The following GRIN2B variants were observed in gnomAD, a reference collection of about 807,000 sequenced individuals.
The protein encoded by GRIN2B is glutamate ionotropic receptor NMDA type subunit 2B, also known as glutamate receptor ionotropic, NMDA 2B.
In GRIN2B, 5 loss-of-function variants were observed where a neutral mutation model predicts 114.5. The observed-to-expected ratio is 0.04, with a 90% CI of 0.02 to 0.09. The LOEUF (loss-of-function observed/expected upper bound fraction) is 0.09. GRIN2B is among the 10% of genes least tolerant of loss of function. GRIN2B has a pLI of 1.00. For synonymous variants in GRIN2B, 787 were observed against 745.1 expected, an observed-to-expected ratio of 1.06 and a Z score of -0.92; for missense variants, 1,108 against 1,943.5, an observed-to-expected ratio of 0.57 and a Z score of 8.08.
At position 13,551,409 on chromosome 12, in the gene GRIN2B, A is replaced by C. The variant is rs943290691; in HGVS notation, c.*11374T>G. 6.6e-6 allele frequency: 1 copy of C among 152,148 alleles called. No homozygotes were observed. Among genetic ancestry groups the C allele is most frequent in the Non-Finnish European group, 1.5e-5 (1 of 68,016 alleles). 9.4% of individuals were successfully genotyped at this position (152,148 alleles called of 1,614,324 possible). On this transcript the variant is annotated 3_prime_UTR_variant, in exon 14 of 14. Coordinates refer to ENST00000609686, the MANE Select transcript of GRIN2B (RefSeq NM_000834.5). ...GACCTTAGAAGGCCACATGGATTCC[A>C]TAGGGTAAAATGGGAAAATGGAGAC...
intron 2 of GRIN2B, among the ~76,000 whole-genome samples, chr12:13,904,064 GAT>G (rs1453931266): frequency 1.3e-5 from 2 of 151,910 alleles, no homozygotes; most frequent in African/African-American, 4.8e-5. Context: ...TTATGTTTTA[GAT>G]ATGTCACTTA....
In GRIN2B at chr12:13,695,240, T is replaced by C. The variant is rs574480104; in HGVS notation, c.1011-19381A>G. 2.4e-4 allele frequency among the ~76,000 whole-genome samples: 36 copies of C among 152,284 alleles called. No homozygotes were observed. The Middle Eastern group carries it at 0.014, about 58-fold the overall frequency. ...AACCAGTGCATAAAGCCTACATCTT[T>C]CGCTCACCTATCCCCTTCCTTCCCT... On this transcript the variant is annotated intron_variant, in intron 4 of 13. Transcript: ENST00000609686.
At chr12:13,932,128 T>A (rs893913753) in intron 2 of GRIN2B, among the ~76,000 whole-genome samples, 1 of 152,220 alleles carries the variant, frequency 6.6e-6, no homozygotes. Flanking sequence ...TTCCTTTTTT[T>A]AATACACTTA....
intron 2 of GRIN2B, among the ~76,000 whole-genome samples, chr12:13,909,025 G>T (rs1219272165): frequency 6.6e-6 from 1 of 152,160 alleles, no homozygotes; most frequent in African/African-American, 2.4e-5. Flanking sequence ...ATAAATGGCT[G>T]CTGGCTCGTA....
chr12:13,844,483 G>T (rs1865436769), intron 3 of GRIN2B, among the ~76,000 whole-genome samples: 1 of 152,114 alleles, frequency 6.6e-6, no homozygotes, highest in Non-Finnish European at 1.5e-5. Flanking sequence ...ATCAGCCAAG[G>T]TCTACAAAGA....
chr12:13,572,514 T>A (rs911689852), intron 10 of GRIN2B, among the ~76,000 whole-genome samples: 1 of 152,184 alleles, frequency 6.6e-6, no homozygotes, highest in Non-Finnish European at 1.5e-5. Flanking sequence ...TGAAAGCTCA[T>A]ATTTATCCCA....
intron 2 of GRIN2B, among the ~76,000 whole-genome samples, chr12:13,901,338 C>T (rs1028451339): frequency 3.9e-5 from 6 of 152,062 alleles, no homozygotes; most frequent in Non-Finnish European, 7.4e-5. Context: ...TATTATTACT[C>T]ATTTATACAA....
intron 3 of GRIN2B, among the ~76,000 whole-genome samples, chr12:13,816,325 A>G (rs1006694044): frequency 4.6e-5 from 7 of 152,236 alleles, no homozygotes; most frequent in South Asian, 2.1e-4. Flanking sequence ...ATGACAATTG[A>G]TAAGACAAAA....
At chr12:13,642,455 T>C (rs919689075) in intron 5 of GRIN2B, among the ~76,000 whole-genome samples, 1 of 152,112 alleles carries the variant, frequency 6.6e-6, no homozygotes, top group Non-Finnish European at 1.5e-5. Flanking sequence ...GCCTAGACCT[T>C]ATCTTCATCA....
intron 4 of GRIN2B, among the ~76,000 whole-genome samples, chr12:13,713,352 G>T (rs1237231536): frequency 6.6e-6 from 1 of 151,794 alleles, no homozygotes; most frequent in African/African-American, 2.4e-5. Flanking sequence ...GATCATGAAA[G>T]AACACTGACC....
At position 13,843,731 on chromosome 12, in the gene GRIN2B, C is replaced by T. The variant is rs186207099; in HGVS notation, c.411+22067G>A. Reference sequence around the variant, plus strand: ...GGCATTTTTAAAAATATTAGGAACACGTTGCAAATCTATCAAGATCCCATC... The same window carrying T: ...GGCATTTTTAAAAATATTAGGAACATGTTGCAAATCTATCAAGATCCCATC... On this transcript the variant is annotated intron_variant, in intron 3 of 13. Transcript: ENST00000609686. Among the ~76,000 whole-genome samples, 22 of 152,250 alleles carry T rather than the reference C, an allele frequency of 1.4e-4. No individual in the cohort carries two copies. In the East Asian group the frequency reaches 2.7e-3, roughly 19 times the overall value.
Position 13,771,062 on chromosome 12 carries a change from T to C in GRIN2B, c.412-17147A>G, listed in dbSNP as rs186326503. Among the ~76,000 whole-genome samples, 3 of 152,290 alleles carry C rather than the reference T, an allele frequency of 2.0e-5. No individual in the cohort carries two copies. In the East Asian group the frequency reaches 5.8e-4, roughly 29 times the overall value. On this transcript the variant is annotated intron_variant, in intron 3 of 13. Transcript: ENST00000609686. ...AATTGTAGCTCCCAAAATTCCCATA[T>C]GTCATAGGAGGGACCCAGTGGGAGG...
Position 13,833,197 on chromosome 12 carries a change from A to C in GRIN2B, c.411+32601T>G, listed in dbSNP as rs184914061. On this transcript the variant is annotated intron_variant, in intron 3 of 13. Coordinates refer to ENST00000609686, the MANE Select transcript of GRIN2B (RefSeq NM_000834.5). ...AAGTAGACAGAGGATGTAGACTTGTATTAACTCATGGGTATATCATCAACC... is the reference window on the plus strand; with the variant it reads ...AAGTAGACAGAGGATGTAGACTTGTCTTAACTCATGGGTATATCATCAACC... 1.7e-3 allele frequency among the ~76,000 whole-genome samples: 253 copies of C among 152,342 alleles called. 1 individual carries two copies. The highest frequency in any genetic ancestry group is 5.8e-3 in the African/African-American group (241 of 41,580).
chr12:13,589,146 C>G (rs10492129), intron 10 of GRIN2B, among the ~76,000 whole-genome samples: 25,050 of 152,114 alleles, frequency 0.16, 2,387 homozygotes, highest in African/African-American at 0.26. Flanking sequence ...TCTGTTAGCT[C>G]TATTCAAAGA....
Position 13,935,421 on chromosome 12 carries a change from A to G in GRIN2B, c.-19+44507T>C, listed in dbSNP as rs368819250. Among the ~76,000 whole-genome samples, 6 of 152,300 alleles carry G rather than the reference A, an allele frequency of 3.9e-5. No individual in the cohort carries two copies. In the South Asian group the frequency reaches 1.2e-3, roughly 32 times the overall value. ...CGTCTCATCCTTAGAGGAGAAAAGC[A>G]TTTTCTCCATAGTAACAATACACTG... is the stretch of plus-strand genomic sequence containing the variant. On this transcript the variant is annotated intron_variant, in intron 2 of 13. Transcript: ENST00000609686.
intron 4 of GRIN2B, among the ~76,000 whole-genome samples, chr12:13,739,374 C>CAAAAAAA (rs34320563): frequency 1.4e-3 from 85 of 59,370 alleles, no homozygotes; most frequent in South Asian, 3.3e-3. Context: ...AACTCCGTCT[C>CAAAAAAA]AAAAAAAAAA....
chr12:13,825,618 G>A (rs150238511), intron 3 of GRIN2B, among the ~76,000 whole-genome samples: 68 of 151,252 alleles, frequency 4.5e-4, no homozygotes, highest in African/African-American at 1.4e-3. Context: ...CTGGGTTCAA[G>A]TGATTCTCCT....
intron 10 of GRIN2B, among the ~76,000 whole-genome samples, chr12:13,573,518 TTTTAA>T (rs1948733518): frequency 1.3e-5 from 2 of 149,734 alleles, no homozygotes; most frequent in East Asian, 1.9e-4. Flanking sequence ...CTTATATTAT[TTTTAA>T]TTTGTGTCTC....
At chr12:13,836,263 C>T (rs549614238) in intron 3 of GRIN2B, among the ~76,000 whole-genome samples, 1 of 152,298 alleles carries the variant, frequency 6.6e-6, no homozygotes. Context: ...GATCTTGTGC[C>T]GTTGGGGAAG....
Sources: allele counts gnomAD v4.1 joint callset (sites outside exome capture counted in the v4.1 genomes callset), GRCh38; gene constraint gnomAD v4.1.1; transcripts MANE v1.5; gene names NCBI Gene and HGNC (gene_info 2026-07-23, HGNC 2026-07-21).